Variants in DPP6 observed in about 807,000 individuals in gnomAD.
DPP6 encodes the protein A-type potassium channel modulatory protein DPP6.
DPP6 carries 69 observed loss-of-function variants against 122.6 expected under a neutral mutation model. The ratio of observed to expected loss-of-function variants is 0.56; its 90% CI spans 0.46 to 0.69. The LOEUF (loss-of-function observed/expected upper bound fraction) is 0.69, where lower values mean the gene tolerates loss of function less well. Ranked by LOEUF, DPP6 falls within the 30% of genes least tolerant of loss-of-function variation. The probability of loss-of-function intolerance (pLI) is 0.00; values close to 1 mark genes in which losing one functional copy is unlikely to be tolerated. For missense variants in DPP6, 928 were observed against 1,116.9 expected, an observed-to-expected ratio of 0.83 and a Z score of 2.41; for synonymous variants, 418 against 433.1, an observed-to-expected ratio of 0.97 and a Z score of 0.43.
At position 154,287,596 on chromosome 7, in the gene DPP6, A is replaced by ATGGGAGC. The variant is rs1315669997; in HGVS notation, c.244-158615_244-158609dup. Among the ~76,000 whole-genome samples the ATGGGAGC allele has an allele frequency of 2.0e-5, 3 of 152,280 alleles. No individual in the cohort carries two copies. The East Asian group carries it at 5.8e-4, about 29-fold the overall frequency. ...GATCAACAGGGGAGCTGAGGAATAG[A>ATGGGAGC]TGGGAGCTGCGAGCTGCAGAGGGCC... On this transcript the variant is annotated intron_variant, in intron 1 of 25. Transcript: ENST00000377770.
intron 1 of DPP6, among the ~76,000 whole-genome samples, chr7:153,898,314 T>C (rs1400479813): frequency 6.6e-6 from 1 of 152,102 alleles, no homozygotes. Flanking sequence ...ATGCCAGGCT[T>C]GGTGGCATCC....
At chr7:154,809,262 A>AG (rs1427147458) in intron 16 of DPP6, among the ~76,000 whole-genome samples, 1 of 152,138 alleles carries the variant, frequency 6.6e-6, no homozygotes, top group East Asian at 1.9e-4. Context: ...TTAAAAAAAA[A>AG]AAAGAAGAAG....
At position 154,769,566 on chromosome 7, in the gene DPP6, C is replaced by T. The variant is rs761721585; in HGVS notation, c.1033C>T (p.Pro345Ser). 1.3e-6 allele frequency: 2 copies of T among 1,598,582 alleles called. No homozygotes were observed. The highest frequency in any genetic ancestry group is 1.1e-5 in the South Asian group (1 of 90,118). The part of the protein sequence containing the change: ...IYPTVKPYHY[P>S]KAGSENPSIS... ...CCCCACCGTGAAGCCCTACCACTAT[C>T]CCAAGGTAGGCAAAGGGACACCGCA... The change falls in exon 9 of 26, where the codon CCC becomes TCC. Residue 345 changes from proline to serine, a missense_variant. Transcript: ENST00000377770.
intron 2 of DPP6, among the ~76,000 whole-genome samples, chr7:154,462,457 G>A (rs1391174174): frequency 4.6e-5 from 7 of 151,952 alleles, no homozygotes. Flanking sequence ...TAGATAGTAT[G>A]GAAATTTTAA....
chr7:154,186,122 G>A (rs1041406610), intron 1 of DPP6, among the ~76,000 whole-genome samples: 1 of 152,172 alleles, frequency 6.6e-6, no homozygotes, highest in African/African-American at 2.4e-5. Flanking sequence ...GTTCCTCCCA[G>A]CTCTGAGATT....
At chr7:154,251,423 G>A (rs370705563) in intron 1 of DPP6, among the ~76,000 whole-genome samples, 4 of 152,346 alleles carry the variant, frequency 2.6e-5, no homozygotes, top group East Asian at 3.9e-4. Flanking sequence ...CTCCTAGGGA[G>A]ATAAGATGGC....
the DPP6 span, among the ~76,000 whole-genome samples, chr7:153,792,917 T>G: frequency 0.41 from 62,235 of 150,408 alleles, 10,997 homozygotes; most frequent in Middle Eastern, 0.5. Flanking sequence ...TTTCTGCTTT[T>G]GCTTCTTCCT....
chr7:154,341,073 C>T (rs1002390392), intron 1 of DPP6, among the ~76,000 whole-genome samples: 4 of 152,146 alleles, frequency 2.6e-5, no homozygotes, highest in Non-Finnish European at 5.9e-5. Flanking sequence ...GGCAGAGATA[C>T]TAGTTTTTAT....
intron 25 of DPP6, 96 bp from the exon 26 acceptor site, chr7:154,892,238 G>A: frequency 6.5e-7 from 1 of 1,538,978 alleles, no homozygotes; most frequent in Non-Finnish European, 8.9e-7. Context: ...GCCCCGGACG[G>A]GGCCCAGGTT....
intron 1 of DPP6, among the ~76,000 whole-genome samples, chr7:154,252,247 C>T (rs956119848): frequency 3.5e-5 from 5 of 143,568 alleles, no homozygotes; most frequent in African/African-American, 1.2e-4. Flanking sequence ...CGCGCATGCG[C>T]ACGGTGGTGG....
At chr7:154,429,301 C>G (rs1305998975) in intron 1 of DPP6, among the ~76,000 whole-genome samples, 1 of 152,194 alleles carries the variant, frequency 6.6e-6, no homozygotes, top group Non-Finnish European at 1.5e-5. Flanking sequence ...AACGAATTTG[C>G]TGACGCTCCT....
intron 3 of DPP6, among the ~76,000 whole-genome samples, chr7:154,490,795 A>T (rs1824212803): frequency 6.6e-6 from 1 of 152,178 alleles, no homozygotes. Flanking sequence ...TAATGGGCAC[A>T]TTTATTCAGA....
intron 1 of DPP6, among the ~76,000 whole-genome samples, chr7:154,085,011 A>AAAC (rs1473084161): frequency 1.3e-5 from 2 of 150,802 alleles, no homozygotes; most frequent in Admixed American, 6.6e-5. Flanking sequence ...AAAAAAAAAA[A>AAAC]CAGGTGCCTT....
chr7:154,014,464 G>A (rs1336190201), intron 1 of DPP6, among the ~76,000 whole-genome samples: 1 of 150,714 alleles, frequency 6.6e-6, no homozygotes, highest in African/African-American at 2.5e-5. Flanking sequence ...AGACCAACCT[G>A]CCCAACATGG....
chr7:154,791,423 A>T (rs1232184648), intron 10 of DPP6, among the ~76,000 whole-genome samples: 1 of 152,178 alleles, frequency 6.6e-6, no homozygotes, highest in East Asian at 1.9e-4. Flanking sequence ...GGCAGGCAAG[A>T]GAGCGTGTGC....
At chr7:154,620,163 C>A (rs927653773) in intron 5 of DPP6, among the ~76,000 whole-genome samples, 3 of 152,128 alleles carry the variant, frequency 2.0e-5, no homozygotes, top group African/African-American at 7.2e-5. Context: ...GGACTGAAGA[C>A]CCACATTAGC....
At chr7:153,918,470 T>A (rs866013236) in intron 1 of DPP6, among the ~76,000 whole-genome samples, 163 of 119,080 alleles carry the variant, frequency 1.4e-3, no homozygotes, top group African/African-American at 2.8e-3. Flanking sequence ...ACACACACTC[T>A]CTCTCTCTCT....
intron 7 of DPP6, among the ~76,000 whole-genome samples, chr7:154,684,451 A>C (rs901022229): frequency 2.0e-5 from 3 of 152,244 alleles, no homozygotes; most frequent in African/African-American, 7.2e-5. Flanking sequence ...TGACTCAGTC[A>C]ATTAAGGCAT....
chr7:154,632,010 TG>T (rs1337760869), intron 5 of DPP6, among the ~76,000 whole-genome samples: 1 of 152,112 alleles, frequency 6.6e-6, no homozygotes, highest in Admixed American at 6.6e-5. Flanking sequence ...TGCAGCCCCA[TG>T]GTGGTAGAAG....
Sources: allele counts gnomAD v4.1 joint callset (sites outside exome capture counted in the v4.1 genomes callset), GRCh38; gene constraint gnomAD v4.1.1; transcripts MANE v1.5; gene names NCBI Gene and HGNC (gene_info 2026-07-23, HGNC 2026-07-21).